Variants in EHD2 observed in about 807,000 individuals in gnomAD.
EHD2 encodes EH domain-containing protein 2.
In EHD2, 27 loss-of-function variants were observed where a neutral mutation model predicts 41.0. The ratio of observed to expected loss-of-function variants is 0.66; its 90% CI spans 0.49 to 0.91. EHD2 has a LOEUF of 0.91. EHD2 is among the 40% of genes least tolerant of loss of function. The pLI is 0.00. For missense variants in EHD2, 673 were observed against 773.9 expected (o/e 0.87, Z 1.55); for synonymous variants, 342 against 341.0 (o/e 1.00, Z -0.03).
intron 5 of EHD2, among the ~76,000 whole-genome samples, chr19:47,739,110 T>C (rs1966956943): frequency 1.3e-5 from 2 of 151,858 alleles, no homozygotes; most frequent in Non-Finnish European, 2.9e-5. Flanking sequence ...TGCACACTTT[T>C]TTGTTTTGAG....
In EHD2 at chr19:47,741,614, A is replaced by T. The variant is rs916468652; in HGVS notation, c.*182A>T. The T allele has an allele frequency of 7.2e-6, 5 of 697,430 alleles. No individual in the cohort carries two copies. Among genetic ancestry groups the T allele is most frequent in the Non-Finnish European group, 9.5e-6 (4 of 422,754 alleles). 43.2% of individuals were successfully genotyped at this position (697,430 alleles called of 1,614,324 possible). A position where few individuals can be genotyped will look rare whatever the true frequency, so the allele number is the denominator to read the frequency against. Reference sequence around the variant, plus strand: ...GCATTTAGAGGGGACCACGGGAGGGACAAGGCTTCTCTGTCCGCCCTTCAC... The same window carrying T: ...GCATTTAGAGGGGACCACGGGAGGGTCAAGGCTTCTCTGTCCGCCCTTCAC... On this transcript the variant is annotated 3_prime_UTR_variant, in exon 6 of 6. Transcript: ENST00000263277. The surrounding 1 kb of genome is among the most constrained non-coding windows in gnomAD (Gnocchi z 4.5).
intron 4 of EHD2, among the ~76,000 whole-genome samples, chr19:47,735,696 A>G (rs1392186574): frequency 6.6e-6 from 1 of 151,174 alleles, no homozygotes; most frequent in African/African-American, 2.4e-5. Flanking sequence ...TGAGATTAGG[A>G]GTTCAAGACC....
chr19:47,717,960 G>A (rs1973647945), intron 2 of EHD2, among the ~76,000 whole-genome samples: 1 of 148,216 alleles, frequency 6.7e-6, no homozygotes, highest in Non-Finnish European at 1.5e-5. Flanking sequence ...CTATGCCATG[G>A]TTGCTGTGAG....
Position 47,725,986 on chromosome 19 carries a change from C to T in EHD2, c.677C>T (p.Thr226Met), listed in dbSNP as rs367574070. 51 of 1,611,616 alleles carry T rather than the reference C, an allele frequency of 3.2e-5. No homozygotes were observed. In the Middle Eastern group the frequency reaches 1.8e-3, roughly 57 times the overall value. The part of the protein sequence containing the change: ...VVLNKADMVE[T>M]QQLMRVYGAL... ...CTCAACAAGGCCGACATGGTGGAGACGCAGCAGCTGATGCGCGTCTACGGC... is the reference window on the plus strand; with the variant it reads ...CTCAACAAGGCCGACATGGTGGAGATGCAGCAGCTGATGCGCGTCTACGGC... Residue 226 changes from threonine to methionine, a missense_variant, in exon 4 of 6, where the codon ACG becomes ATG. Coordinates refer to ENST00000263277, the MANE Select transcript of EHD2 (RefSeq NM_014601.4).
Position 47,741,323 on chromosome 19 carries a change from T to C in EHD2, c.1523T>C (p.Leu508Pro), listed in dbSNP as rs774066167. 20 of 1,613,106 alleles carry C rather than the reference T, an allele frequency of 1.2e-5. No homozygotes were observed. The highest frequency in any genetic ancestry group is 1.7e-5 in the Admixed American group (1 of 59,962). Reference sequence around the variant, plus strand: ...ATGCTGGATGATGAGGAGTTCGCGCTGGCCAGCCACCTCATCGAGGCCAAG... The same window carrying C: ...ATGCTGGATGATGAGGAGTTCGCGCCGGCCAGCCACCTCATCGAGGCCAAG... ...DGMLDDEEFA[L>P]ASHLIEAKLE... The change falls in exon 6 of 6, where the codon CTG becomes CCG. Residue 508 changes from leucine (L) to proline (P), a missense_variant. Transcript: ENST00000263277. This position sits in a 1 kb window ranked among gnomAD's most constrained non-coding sequence, Gnocchi z 4.5.
At chr19:47,717,801 G>C (rs1026196435) in intron 2 of EHD2, among the ~76,000 whole-genome samples, 10 of 151,290 alleles carry the variant, frequency 6.6e-5, no homozygotes, top group African/African-American at 2.4e-4. Context: ...CCAGCTACTC[G>C]GGAGGCTGAG....
rs748070989 is a variant in EHD2 at position 47,741,113 on chromosome 19, C to T, written c.1313C>T (p.Ser438Leu). Residue 438 changes from serine to leucine, a missense_variant, in exon 6 of 6, where the codon TCG (serine) becomes TTG (leucine). Coordinates refer to ENST00000263277, the MANE Select transcript of EHD2 (RefSeq NM_014601.4). This position sits in a 1 kb window ranked among gnomAD's most constrained non-coding sequence, Gnocchi z 4.5. ...GCCATGGAGGACGGCGAGGAGGGCT[C>T]GGACGACGAGGCCGAGTGGGTGGTG... is the stretch of plus-strand genomic sequence containing the variant. ...DEAMEDGEEG[S>L]DDEAEWVVTK... 54 of 1,610,626 alleles carry T rather than the reference C, an allele frequency of 3.4e-5. No homozygotes were observed. Among genetic ancestry groups the T allele is most frequent in the East Asian group, 8.9e-5 (4 of 44,878 alleles).
Position 47,719,132 on chromosome 19 carries a change from C to T in EHD2, c.502+526C>T, listed in dbSNP as rs1321791697. 6.6e-6 allele frequency among the ~76,000 whole-genome samples: 1 copy of T among 152,094 alleles called. No individual in the cohort carries two copies. The highest frequency in any genetic ancestry group is 1.5e-5 in the Non-Finnish European group (1 of 67,990). On this transcript the variant is annotated intron_variant, in intron 3 of 5. Coordinates refer to ENST00000263277, the MANE Select transcript of EHD2 (RefSeq NM_014601.4). The surrounding 1 kb of genome is among the most constrained non-coding windows in gnomAD (Gnocchi z 4.1). ...ATGGGTGGGGGAGGTGTGTGGGTGA[C>T]CACGTGGTGGGAGCGGGCAGGAGCC...
intron 3 of EHD2, 105 bp downstream of exon 3, chr19:47,718,711 G>A: frequency 1.9e-6 from 2 of 1,063,200 alleles, no homozygotes; most frequent in Non-Finnish European, 2.7e-6. Context: ...TCTGAGGGAG[G>A]AGGGGCTGGG....
At chr19:47,732,069 G>T (rs1035923909) in intron 4 of EHD2, 2 of 151,908 alleles carry the variant, frequency 1.3e-5, no homozygotes, top group Admixed American at 1.3e-4. Flanking sequence ...TTACAGGCGT[G>T]ATATACTGTA....
rs781120486 is a variant in EHD2, at chr19:47,741,103, G to A, written c.1303G>A (p.Glu435Lys). 3.1e-6 allele frequency: 5 copies of A among 1,609,986 alleles called. No individual in the cohort carries two copies. Among genetic ancestry groups the A allele is most frequent in the African/African-American group, 2.7e-5 (2 of 74,546 alleles). ...RGPDEAMEDG[E>K]EGSDDEAEWV... ...ACCTGACGAGGCCATGGAGGACGGC[G>A]AGGAGGGCTCGGACGACGAGGCCGA... Residue 435 changes from glutamate to lysine, a missense_variant, in exon 6 of 6, where the codon GAG becomes AAG. By Grantham distance (56) the Glu-to-Lys change is moderately conservative. Coordinates refer to ENST00000263277, the MANE Select transcript of EHD2 (RefSeq NM_014601.4). The surrounding 1 kb of genome is among the most constrained non-coding windows in gnomAD (Gnocchi z 4.5).
intron 4 of EHD2, among the ~76,000 whole-genome samples, chr19:47,733,326 C>T (rs1022552035): frequency 6.6e-6 from 1 of 151,294 alleles, no homozygotes; most frequent in Non-Finnish European, 1.5e-5. Flanking sequence ...GCCTTGACCT[C>T]CCCGGCTTCA....
chr19:47,725,559 G>A lies in EHD2; in HGVS notation c.503-253G>A, dbSNP rs547103704. Among the ~76,000 whole-genome samples the A allele has an allele frequency of 3.5e-4, 53 of 152,324 alleles. No individual in the cohort carries two copies. In the East Asian group the frequency reaches 8.9e-3, roughly 26 times the overall value. On this transcript the variant is annotated intron_variant, in intron 3 of 5. Transcript: ENST00000263277. ...TGCTCGAGCAAAGGAAAAGGGGGAT[G>A]ATTGCCCCCTGTAGCCAGATGGCTT...
At chr19:47,731,078 G>A (rs1424442693) in intron 4 of EHD2, among the ~76,000 whole-genome samples, 5 of 150,794 alleles carry the variant, frequency 3.3e-5, no homozygotes, top group Non-Finnish European at 5.9e-5. Flanking sequence ...AGTGGCGATC[G>A]GGTGGAAGAG....
chr19:47,722,210 T>C (rs1973704358), intron 3 of EHD2, among the ~76,000 whole-genome samples: 1 of 152,206 alleles, frequency 6.6e-6, no homozygotes, highest in African/African-American at 2.4e-5. Context: ...AGTGCCGTTG[T>C]GGGCCCAAGG....
rs1966990099 is a variant in EHD2, at chr19:47,741,509, ACACG to A, written c.*79_*82del. On this transcript the variant is annotated 3_prime_UTR_variant, in exon 6 of 6. Coordinates refer to ENST00000263277, the MANE Select transcript of EHD2 (RefSeq NM_014601.4). The surrounding 1 kb of genome is among the most constrained non-coding windows in gnomAD (Gnocchi z 4.5). The stretch of plus-strand genomic sequence containing the variant: ...CACGCACACCCCTGCTCCGGCTCAC[ACACG>A]CCCTGCCTGCCCTCCCTGCCCAGCT... 2.7e-6 allele frequency: 4 copies of A among 1,461,854 alleles called. No homozygotes were observed. The East Asian group carries it at 9.9e-5, about 36-fold the overall frequency. 90.6% of individuals were successfully genotyped at this position (1,461,854 alleles called of 1,614,324 possible).
chr19:47,728,466 A>C (rs1973774587), intron 4 of EHD2, among the ~76,000 whole-genome samples: 1 of 147,418 alleles, frequency 6.8e-6, no homozygotes. Context: ...CTTTACCCTA[A>C]CCCTGTTGTC....
chr19:47,716,482 A>G lies in EHD2; in HGVS notation c.-55-76A>G, dbSNP rs936372637. The G allele has an allele frequency of 8.8e-6, 9 of 1,022,106 alleles. No homozygotes were observed. The Admixed American group carries it at 2.5e-4, about 28-fold the overall frequency. The allele number at this position is 1,022,106 out of a possible 1,614,324, so 63.3% of individuals were successfully genotyped here. A position where few individuals can be genotyped will look rare whatever the true frequency, so the allele number is the denominator to read the frequency against. On this transcript the variant is annotated intron_variant, in intron 1 of 5. Coordinates refer to ENST00000263277, the MANE Select transcript of EHD2 (RefSeq NM_014601.4). Reference sequence around the variant, plus strand: ...TCCTCCTCCACCCATCCTGTCACCCAGACAGTCTACACTCAGACCCCTTTC... The same window carrying G: ...TCCTCCTCCACCCATCCTGTCACCCGGACAGTCTACACTCAGACCCCTTTC...
At chr19:47,730,621 G>A (rs1599897381) in intron 4 of EHD2, among the ~76,000 whole-genome samples, 1 of 152,086 alleles carries the variant, frequency 6.6e-6, no homozygotes, top group East Asian at 1.9e-4. Flanking sequence ...CTGGGAGGAG[G>A]CATTCACCCT....
Sources: gnomAD v4.1 joint callset for allele counts (sites outside exome capture counted in the v4.1 genomes callset) on GRCh38, gnomAD v4.1.1 for gene constraint, Gnocchi (gnomAD v3.1) non-coding constraint, MANE v1.5 for transcripts, NCBI Gene and HGNC (gene_info 2026-07-23, HGNC 2026-07-21) for gene names.